The following IARS1 variants were observed in gnomAD, a reference collection of about 807,000 sequenced individuals.
IARS1 encodes the protein isoleucyl-tRNA synthetase 1, also known as isoleucine--tRNA ligase, cytoplasmic.
A neutral mutation model predicts 168.2 loss-of-function variants in IARS1; 124 were observed. That is an observed-to-expected ratio of 0.74 (90% confidence interval 0.64 to 0.86). The LOEUF is 0.86. Among genes scored for constraint, IARS1 ranks in the 40% least tolerant of loss-of-function variants. The pLI is 0.00. For missense variants in IARS1, 1,452 were observed against 1,515.8 expected (o/e 0.96, Z 0.70); for synonymous variants, 532 against 529.4 (o/e 1.00, Z -0.07).
At chr9:92,283,625 A>G (rs1021332017) in intron 6 of IARS1, among the ~76,000 whole-genome samples, 7 of 152,342 alleles carry the variant, frequency 4.6e-5, no homozygotes, top group Admixed American at 1.3e-4. Context: ...TGGGCATCAG[A>G]GTGAGACTCC....
chr9:92,224,864 A>C (rs1234086255), intron 31 of IARS1, among the ~76,000 whole-genome samples: 3 of 125,906 alleles, frequency 2.4e-5, no homozygotes, highest in East Asian at 4.1e-4. Context: ...AAATAATAAT[A>C]ATCAGTGGAC....
chr9:92,265,363 TCAGCAAAG>T, intron 15 of IARS1, 109 bp downstream of exon 15: 1 of 984,480 alleles, frequency 1.0e-6, no homozygotes, highest in Non-Finnish European at 1.6e-6. Flanking sequence ...ACATGAGTCA[TCAGCAAAG>T]TAATTCAGCA....
chr9:92,282,185 A>G (rs899329696), intron 6 of IARS1, among the ~76,000 whole-genome samples: 1 of 152,214 alleles, frequency 6.6e-6, no homozygotes, highest in African/African-American at 2.4e-5. Flanking sequence ...CACTCCCATA[A>G]AAAGAGAGAA....
chr9:92,210,929 T>C, intron 33 of IARS1, 40 bp from the exon 34 acceptor site: 1 of 1,286,914 alleles, frequency 7.8e-7, no homozygotes, highest in Non-Finnish European at 1.1e-6. Flanking sequence ...ATCAGTATTT[T>C]ACCTATTGGG....
rs771203001 is a variant in IARS1, at chr9:92,268,208, G to C, written c.1397C>G (p.Pro466Arg). The C allele has an allele frequency of 7.5e-6, 12 of 1,610,124 alleles. No individual in the cohort carries two copies. The highest frequency in any genetic ancestry group is 2.2e-5 in the East Asian group (1 of 44,510). The change falls in exon 14 of 34, where the codon CCC (proline) becomes CGC (arginine). Residue 466 changes from proline to arginine, a missense_variant. Pro to Arg is a moderately radical substitution (Grantham distance 103, BLOSUM62 -2). Transcript: ENST00000443024. Reference sequence around the variant, plus strand: ...GTCATCGCTGACCCACAGTGGGATGGGGGTGCCCCAGTATCTGTTTCTGGA... The same window carrying C: ...GTCATCGCTGACCCACAGTGGGATGCGGGTGCCCCAGTATCTGTTTCTGGA... ...TISRNRYWGT[P>R]IPLWVSDDFE...
At chr9:92,276,595 T>C (rs1833809463) in intron 9 of IARS1, among the ~76,000 whole-genome samples, 1 of 152,148 alleles carries the variant, frequency 6.6e-6, no homozygotes, top group South Asian at 2.1e-4. Flanking sequence ...AGACACACCA[T>C]GGATAGGGCC....
chr9:92,248,825 G>A (rs1829611832), intron 25 of IARS1, among the ~76,000 whole-genome samples: 1 of 152,036 alleles, frequency 6.6e-6, no homozygotes, highest in African/African-American at 2.4e-5. Context: ...AATATCACCT[G>A]TGAAAAGAAT....
At chr9:92,289,496 C>T in intron 1 of IARS1, 70 bp from the exon 2 acceptor site, 1 of 740,222 alleles carries the variant, frequency 1.4e-6, no homozygotes, top group Non-Finnish European at 2.5e-6. Flanking sequence ...ATATTATTAA[C>T]ATGGGTGTAC....
chr9:92,256,667 AAGAG>A lies in IARS1; in HGVS notation c.2137+9_2137+12del, dbSNP rs1830769468. 1 of 1,613,166 alleles carries A rather than the reference AAGAG, an allele frequency of 6.2e-7. No homozygotes were observed. ...GTCCTTATTCCTGGGAGGACAGACC[AAGAG>A]AGACTCACCTGCCATTTCAGTCTCA... is the stretch of plus-strand genomic sequence containing the variant. On this transcript the variant is annotated intron_variant, in intron 20 of 33. Transcript: ENST00000443024.
intron 30 of IARS1, among the ~76,000 whole-genome samples, chr9:92,236,154 T>C (rs1406781068): frequency 1.3e-5 from 2 of 152,014 alleles, no homozygotes; most frequent in Admixed American, 6.6e-5. Flanking sequence ...TGGCTAATTT[T>C]TGTATTTTTA....
intron 30 of IARS1, among the ~76,000 whole-genome samples, chr9:92,233,698 G>A (rs1472970267): frequency 4.6e-5 from 7 of 152,122 alleles, no homozygotes; most frequent in Non-Finnish European, 1.0e-4. Context: ...GATTTTGTCT[G>A]ATTTTTTTCA....
intron 19 of IARS1, 93 bp from the exon 20 acceptor site, chr9:92,256,893 A>C (rs1830810158): frequency 1.6e-6 from 2 of 1,254,476 alleles, no homozygotes; most frequent in South Asian, 1.8e-5. Context: ...CAAAAACAAA[A>C]AGAAAAAATC....
chr9:92,282,571 G>C (rs1016726069), intron 6 of IARS1, among the ~76,000 whole-genome samples: 1 of 152,006 alleles, frequency 6.6e-6, no homozygotes, highest in Non-Finnish European at 1.5e-5. Context: ...TGGAGTTTGA[G>C]ACCAGCTGGG....
At chr9:92,273,070 T>A (rs2133887173) in intron 10 of IARS1, among the ~76,000 whole-genome samples, 1 of 148,240 alleles carries the variant, frequency 6.7e-6, no homozygotes, top group South Asian at 2.1e-4. Flanking sequence ...AGACGGAGAT[T>A]GCAGTGAGCC....
intron 17 of IARS1, among the ~76,000 whole-genome samples, chr9:92,261,399 T>G (rs979461370): frequency 2.0e-5 from 3 of 151,932 alleles, no homozygotes; most frequent in African/African-American, 7.3e-5. Flanking sequence ...ATTACAGAGA[T>G]GGAGAAAAAA....
chr9:92,257,803 C>G (rs1587817919), intron 19 of IARS1, among the ~76,000 whole-genome samples: 1 of 152,172 alleles, frequency 6.6e-6, no homozygotes, highest in East Asian at 1.9e-4. Context: ...TATTTACTTA[C>G]AAGCAATTTT....
At chr9:92,213,172 G>C (rs1838051279) in intron 33 of IARS1, among the ~76,000 whole-genome samples, 1 of 151,928 alleles carries the variant, frequency 6.6e-6, no homozygotes, top group African/African-American at 2.4e-5. Context: ...GAATTACACA[G>C]AGGCCAAAAA....
rs1835706422 is a variant in IARS1, at chr9:92,287,927, A to G, written c.277-17T>C. 2 of 1,613,504 alleles carry G rather than the reference A, an allele frequency of 1.2e-6. No individual in the cohort carries two copies. The highest frequency in any genetic ancestry group is 2.2e-5 in the East Asian group (1 of 44,886). On this transcript the variant is annotated splice_polypyrimidine_tract_variant and intron_variant, in intron 3 of 33. Coordinates refer to ENST00000443024, the MANE Select transcript of IARS1 (RefSeq NM_002161.6). Reference sequence around the variant, plus strand: ...TTCATATTCCTGAAAATTTGTGATAAGACTGTTACCACGCTGCCCTATGAA... The same window carrying G: ...TTCATATTCCTGAAAATTTGTGATAGGACTGTTACCACGCTGCCCTATGAA...
chr9:92,217,537 A>C (rs558541236), intron 33 of IARS1, among the ~76,000 whole-genome samples: 1 of 148,292 alleles, frequency 6.7e-6, no homozygotes, highest in African/African-American at 2.5e-5. Flanking sequence ...CAAGACTAAT[A>C]AAGAAAAAAA....
Sources: gnomAD v4.1 joint callset for allele counts (sites outside exome capture counted in the v4.1 genomes callset) on GRCh38, gnomAD v4.1.1 for gene constraint, MANE v1.5 for transcripts, NCBI Gene and HGNC (gene_info 2026-07-23, HGNC 2026-07-21) for gene names.